ZNF586: variants seen among roughly 807,000 people sequenced by gnomAD.
ZNF586 encodes the protein zinc finger protein 586.
In ZNF586, 7 loss-of-function variants were observed where a neutral mutation model predicts 6.7. The observed-to-expected ratio is 1.04, with a 90% CI of 0.59 to 1.95. The LOEUF is 1.95. ZNF586 is among the 30% of genes most tolerant of loss of function. The pLI is 0.00. For synonymous variants in ZNF586, 166 were observed against 168.7 expected (o/e 0.98, Z 0.12); for missense variants, 442 against 489.6 (o/e 0.90, Z 0.92).
chr19:57,777,371 A>C (rs1432653235), intron 2 of ZNF586, among the ~76,000 whole-genome samples: 1 of 152,064 alleles, frequency 6.6e-6, no homozygotes, highest in Non-Finnish European at 1.5e-5. Context: ...TGGTGGTGAA[A>C]TGAAGAGCCC....
At chr19:57,775,202 A>G (rs1057457250) in intron 1 of ZNF586, among the ~76,000 whole-genome samples, 21 of 152,064 alleles carry the variant, frequency 1.4e-4, no homozygotes, top group African/African-American at 5.1e-4. Flanking sequence ...TCACAATGTT[A>G]GCCAGGATGG....
chr19:57,775,015 T>C (rs1987195671), intron 1 of ZNF586, among the ~76,000 whole-genome samples: 1 of 151,648 alleles, frequency 6.6e-6, no homozygotes, highest in African/African-American at 2.4e-5. Flanking sequence ...TTTTTTTTTT[T>C]TTGAGACGGA....
rs757248739 is a variant in ZNF586, at chr19:57,779,756, G to A, written c.1169G>A (p.Arg390His). 2.5e-5 allele frequency: 41 copies of A among 1,608,362 alleles called. No homozygotes were observed. Among genetic ancestry groups the A allele is most frequent in the East Asian group, 6.7e-5 (3 of 44,830 alleles). The change falls in exon 3 of 3, where the codon CGC becomes CAC. Residue 390 changes from arginine (R) to histidine (H), a missense_variant. By Grantham distance (29) the Arg-to-His change is conservative. Coordinates refer to ENST00000396154, the MANE Select transcript of ZNF586 (RefSeq NM_017652.4). ...KSFRHSSSFR[R>H]HQRVHTGMRP... is the part of the protein sequence containing the mutation. ...TTTCGCCACAGTTCTTCGTTCCGTC[G>A]CCATCAGAGAGTTCATACTGGAATG... is the stretch of plus-strand genomic sequence containing the variant.
intron 1 of ZNF586, among the ~76,000 whole-genome samples, chr19:57,774,104 A>G (rs1987163160): frequency 6.6e-6 from 1 of 150,980 alleles, no homozygotes; most frequent in African/African-American, 2.4e-5. Context: ...GTAATCCCAG[A>G]TATTCGGGGG....
chr19:57,769,820 G>A lies in ZNF586; in HGVS notation c.-23G>A, dbSNP rs1381334578. On this transcript the variant is annotated 5_prime_UTR_variant, in exon 1 of 3. Transcript: ENST00000396154. Reference sequence around the variant, plus strand: ...CAACGACAGGAACACCGCCGAGCCCGCGTTCCCCCCCCGCCCAGAGTCATG... The same window carrying A: ...CAACGACAGGAACACCGCCGAGCCCACGTTCCCCCCCCGCCCAGAGTCATG... 2 of 1,532,264 alleles carry A rather than the reference G, an allele frequency of 1.3e-6. No homozygotes were observed. Among genetic ancestry groups the A allele is most frequent in the African/African-American group, 1.4e-5 (1 of 71,478 alleles). 94.9% of individuals were successfully genotyped at this position (1,532,264 alleles called of 1,614,324 possible).
intron 1 of ZNF586, among the ~76,000 whole-genome samples, chr19:57,775,197 A>G (rs1010702011): frequency 3.3e-5 from 5 of 151,882 alleles, no homozygotes; most frequent in African/African-American, 7.3e-5. Context: ...GGGTTTCACA[A>G]TGTTAGCCAG....
At chr19:57,770,181 G>A (rs1270840923) in intron 1 of ZNF586, among the ~76,000 whole-genome samples, 1 of 138,844 alleles carries the variant, frequency 7.2e-6, no homozygotes, top group Non-Finnish European at 1.6e-5. Flanking sequence ...TTTTGAGACG[G>A]AGTCTCACTC....
intron 1 of ZNF586, among the ~76,000 whole-genome samples, chr19:57,775,372 G>C (rs1987210082): frequency 6.6e-6 from 1 of 152,100 alleles, no homozygotes; most frequent in African/African-American, 2.4e-5. Flanking sequence ...TCGCACACCT[G>C]TGGTCCCAGC....
chr19:57,771,312 AAAAAG>A (rs932652041), intron 1 of ZNF586, among the ~76,000 whole-genome samples: 17 of 151,522 alleles, frequency 1.1e-4, no homozygotes, highest in Non-Finnish European at 2.4e-4. Flanking sequence ...AAAAAAAAAA[AAAAAG>A]AGAGAGAGAG....
chr19:57,775,298 A>G (rs1052072435), intron 1 of ZNF586, among the ~76,000 whole-genome samples: 11 of 151,992 alleles, frequency 7.2e-5, no homozygotes, highest in African/African-American at 2.7e-4. Flanking sequence ...ACCGCACCCA[A>G]TGCAGGTTTC....
chr19:57,775,822 G>A (rs139724584), intron 1 of ZNF586, among the ~76,000 whole-genome samples: 15 of 152,112 alleles, frequency 9.9e-5, no homozygotes, highest in Middle Eastern at 3.4e-3. Context: ...GGCTGGTCTC[G>A]AACTCCTGAC....
chr19:57,779,422 C>T lies in ZNF586; in HGVS notation c.835C>T (p.Gln279Ter), dbSNP rs775907399. The stretch of plus-strand genomic sequence containing the variant: ...ATTTCGCCGAAGCTCTTCACTCTTG[C>T]AGCATCAGAGAGTTCACACTAGAGA... Reference protein sequence around the residue: ...KSFRRSSSLLQHQRVHTRERP... With the variant: ...KSFRRSSSLL The change falls in exon 3 of 3, where the codon CAG becomes TAG. Residue 279 changes from glutamine to a stop codon, truncating the protein, a stop_gained. Coordinates refer to ENST00000396154, the MANE Select transcript of ZNF586 (RefSeq NM_017652.4). LOFTEE classifies it low-confidence loss of function (END_TRUNC). 15 of 1,613,476 alleles carry T rather than the reference C, an allele frequency of 9.3e-6. No individual in the cohort carries two copies. The highest frequency in any genetic ancestry group is 1.3e-5 in the African/African-American group (1 of 74,770).
At chr19:57,772,369 GATA>G (rs927467667) in intron 1 of ZNF586, among the ~76,000 whole-genome samples, 1 of 152,198 alleles carries the variant, frequency 6.6e-6, no homozygotes, top group African/African-American at 2.4e-5. Context: ...TCTGTGACTA[GATA>G]ATGTGTGGAT....
chr19:57,779,935 G>A lies in ZNF586; in HGVS notation c.*139G>A. 3 of 760,868 alleles carry A rather than the reference G, an allele frequency of 3.9e-6. No homozygotes were observed. The highest frequency in any genetic ancestry group is 4.1e-6 in the Non-Finnish European group (2 of 487,038). The allele number at this position is 760,868 out of a possible 1,614,324, so 47.1% of individuals were successfully genotyped here. A position where few individuals can be genotyped will look rare whatever the true frequency, so the allele number is the denominator to read the frequency against. On this transcript the variant is annotated 3_prime_UTR_variant, in exon 3 of 3. Coordinates refer to ENST00000396154, the MANE Select transcript of ZNF586 (RefSeq NM_017652.4). ...TGCTAGCTTCTTTACATAAAAGAGT[G>A]CTCCCACTGAAGAAGTGCCTTTTGA...
rs530274616 is a variant in ZNF586 at position 57,778,003 on chromosome 19, C to T, written c.164-748C>T. Among the ~76,000 whole-genome samples the T allele has an allele frequency of 3.3e-5, 5 of 151,670 alleles. No homozygotes were observed. In the South Asian group the frequency reaches 1.0e-3, roughly 32 times the overall value. On this transcript the variant is annotated intron_variant, in intron 2 of 2. Coordinates refer to ENST00000396154, the MANE Select transcript of ZNF586 (RefSeq NM_017652.4). ...TGAACTGACCTCAGGTGATCCACGC[C>T]CCTCAACTTCCCAAAGTGCTGGGAT... is the stretch of plus-strand genomic sequence containing the variant.
intron 1 of ZNF586, 35 bp downstream of exon 1, chr19:57,769,913 A>AACCCCCC (rs2122548142): frequency 1.8e-6 from 2 of 1,128,238 alleles, no homozygotes; most frequent in Non-Finnish European, 2.3e-6. Context: ...TACCCACCCT[A>AACCCCCC]CCCACCCAGA....
chr19:57,775,889 A>T (rs1447693140), intron 1 of ZNF586, among the ~76,000 whole-genome samples: 1 of 152,008 alleles, frequency 6.6e-6, no homozygotes, highest in Non-Finnish European at 1.5e-5. Context: ...GGCGTGCGCC[A>T]CCGCGCCCGG....
intron 1 of ZNF586, among the ~76,000 whole-genome samples, chr19:57,775,003 CTTTTTTTT>C (rs11310885): frequency 7.1e-6 from 1 of 141,692 alleles, no homozygotes; most frequent in Non-Finnish European, 1.5e-5. Context: ...TTCTTTTTTT[CTTTTTTTT>C]TTTTTTGAGA....
chr19:57,778,561 T>C (rs143014011), intron 2 of ZNF586, among the ~76,000 whole-genome samples, 190 bp from the exon 3 acceptor site: 10 of 152,318 alleles, frequency 6.6e-5, no homozygotes, highest in African/African-American at 2.2e-4. Flanking sequence ...CATTTAGTCA[T>C]GCCCTTGACA....
Sources: gnomAD v4.1 joint callset for allele counts (sites outside exome capture counted in the v4.1 genomes callset) on GRCh38, gnomAD v4.1.1 for gene constraint, MANE v1.5 for transcripts, NCBI Gene and HGNC (gene_info 2026-07-23, HGNC 2026-07-21) for gene names.